GDAP1: variants seen among roughly 807,000 people sequenced by gnomAD.
The protein encoded by GDAP1 is ganglioside induced differentiation associated protein 1, also known as ganglioside-induced differentiation-associated protein 1.
In GDAP1, 34 loss-of-function variants were observed where a neutral mutation model predicts 40.1. That is an observed-to-expected ratio of 0.85 (90% confidence interval 0.64 to 1.13). GDAP1 has a LOEUF of 1.13. GDAP1 is among the 50% of genes most tolerant of loss of function. GDAP1 has a pLI of 0.00. For synonymous variants in GDAP1, 170 were observed against 157.4 expected (o/e 1.08, Z -0.60); for missense variants, 374 against 433.7 (o/e 0.86, Z 1.22).
chr8:74,439,760 C>T, intron 2 of GDAP1, among the ~76,000 whole-genome samples: 1 of 151,916 alleles, frequency 6.6e-6, no homozygotes. Flanking sequence ...TTTCCATTAT[C>T]ACTCTCTTTA....
At chr8:74,421,807 T>G (rs1448794826) in intron 2 of GDAP1, among the ~76,000 whole-genome samples, 1 of 152,224 alleles carries the variant, frequency 6.6e-6, no homozygotes, top group African/African-American at 2.4e-5. Context: ...GTTTGGCAAC[T>G]GGTAAAAGCT....
At chr8:74,470,957 A>T (rs1424107973) in intron 2 of GDAP1, among the ~76,000 whole-genome samples, 1 of 152,128 alleles carries the variant, frequency 6.6e-6, no homozygotes, top group Non-Finnish European at 1.5e-5. Flanking sequence ...CTGGTGTGAG[A>T]TGGTATCTCA....
At chr8:74,422,354 C>T (rs201872190) in intron 2 of GDAP1, among the ~76,000 whole-genome samples, 1,863 of 33,830 alleles carry the variant, frequency 0.055, 45 homozygotes, top group South Asian at 0.14. Context: ...TCTTTCTTCC[C>T]TTCCTTCCTT....
At chr8:74,466,072 T>G (rs1261167257) in intron 2 of GDAP1, among the ~76,000 whole-genome samples, 1 of 152,206 alleles carries the variant, frequency 6.6e-6, no homozygotes, top group African/African-American at 2.4e-5. Flanking sequence ...CATTTTCTGT[T>G]CCACATTGTT....
chr8:74,401,359 T>A (rs1188526882), intron 2 of GDAP1, among the ~76,000 whole-genome samples: 3 of 150,012 alleles, frequency 2.0e-5, no homozygotes, highest in African/African-American at 7.6e-5. Context: ...TCCTGAGGCT[T>A]CTGCATTCTT....
chr8:74,422,279 T>C (rs1282219613), intron 2 of GDAP1, among the ~76,000 whole-genome samples: 11 of 145,284 alleles, frequency 7.6e-5, no homozygotes, highest in South Asian at 4.5e-4. Context: ...TTTCTTTTCT[T>C]TTTTCTTTTC....
chr8:74,458,800 C>T (rs1187875834), intron 2 of GDAP1, among the ~76,000 whole-genome samples: 4 of 151,990 alleles, frequency 2.6e-5, no homozygotes, highest in Non-Finnish European at 2.9e-5. Context: ...TGGATTAGAG[C>T]GGCCCCCAGT....
In GDAP1 at chr8:74,403,979, A is replaced by G. The variant is rs116313962; in HGVS notation, c.165+52658A>G. Among the ~76,000 whole-genome samples, 914 of 150,360 alleles carry G rather than the reference A, an allele frequency of 6.1e-3. 94 individuals are homozygous for G. The highest frequency in any genetic ancestry group is 0.021 in the African/African-American group (852 of 39,664). ...TATGAGCCTGTAAAAAAGAAAGATC[A>G]TAGGATAGTATTTTGAGTTTATCCA... is the stretch of plus-strand genomic sequence containing the variant. On this transcript the variant is annotated intron_variant, in intron 2 of 2. Coordinates refer to the GDAP1 transcript ENST00000523640.
rs1809495479 is a variant in GDAP1, at chr8:74,363,970, C to T, written c.695-15C>T. 1 of 1,612,720 alleles carries T rather than the reference C, an allele frequency of 6.2e-7. No individual in the cohort carries two copies. The highest frequency in any genetic ancestry group is 1.3e-5 in the African/African-American group (1 of 74,974). Reference sequence around the variant, plus strand: ...GTGCTTGCCTCTAATTCTCTATGTCCCTTTCTCTAATTAGAAGAGGGCCAG... The same window carrying T: ...GTGCTTGCCTCTAATTCTCTATGTCTCTTTCTCTAATTAGAAGAGGGCCAG... On this transcript the variant is annotated splice_polypyrimidine_tract_variant and intron_variant, in intron 5 of 5. Transcript: ENST00000220822.
At chr8:74,370,819 G>A (rs545553108), downstream of GDAP1, among the ~76,000 whole-genome samples, 3 of 152,180 alleles carry the variant, frequency 2.0e-5, no homozygotes, top group South Asian at 6.2e-4. Flanking sequence ...ATCAAGAAAG[G>A]TGGTATGGCC....
At position 74,400,302 on chromosome 8, in the gene GDAP1, TA is replaced by T. The variant is rs1810302277; in HGVS notation, c.165+48983del. Among the ~76,000 whole-genome samples the T allele has an allele frequency of 3.3e-5, 5 of 150,082 alleles. 1 individual carries two copies. The highest frequency in any genetic ancestry group is 7.6e-5 in the African/African-American group (3 of 39,376). On this transcript the variant is annotated intron_variant, in intron 2 of 2. Transcript: ENST00000523640. ...TTGAATTGATCCCTTTACCGTTATG[TA>T]ATGGCCTTCTTTGTCTCTTTCGATC...
At chr8:74,422,284 C>T (rs1369476678) in intron 2 of GDAP1, among the ~76,000 whole-genome samples, 4 of 88,034 alleles carry the variant, frequency 4.5e-5, no homozygotes, top group Admixed American at 1.4e-4. Flanking sequence ...TTTCTTTTTT[C>T]TTTTCTTTCT....
At chr8:74,394,274 G>T (rs1810159148) in intron 2 of GDAP1, among the ~76,000 whole-genome samples, 1 of 152,126 alleles carries the variant, frequency 6.6e-6, no homozygotes, top group African/African-American at 2.4e-5. Flanking sequence ...CCACCCCCAT[G>T]ATTCAATTAC....
At chr8:74,416,410 G>A (rs1019321051) in intron 2 of GDAP1, among the ~76,000 whole-genome samples, 1 of 150,116 alleles carries the variant, frequency 6.7e-6, no homozygotes, top group Non-Finnish European at 1.5e-5. Flanking sequence ...ACATCTGCAA[G>A]CAGAATAACA....
At chr8:74,356,974 C>T (rs1008887245) in intron 2 of GDAP1, among the ~76,000 whole-genome samples, 1 of 152,032 alleles carries the variant, frequency 6.6e-6, no homozygotes, top group Non-Finnish European at 1.5e-5. Flanking sequence ...CTTGGCCTCC[C>T]AAAGTGCTGG....
intron 2 of GDAP1, among the ~76,000 whole-genome samples, chr8:74,442,311 C>G (rs1806172660): frequency 6.6e-6 from 1 of 152,206 alleles, no homozygotes; most frequent in Non-Finnish European, 1.5e-5. Flanking sequence ...ACCTTCTGCC[C>G]TACTTCTATA....
At chr8:74,389,789 C>T (rs991228169) in intron 2 of GDAP1, among the ~76,000 whole-genome samples, 1 of 152,220 alleles carries the variant, frequency 6.6e-6, no homozygotes, top group African/African-American at 2.4e-5. Flanking sequence ...TGGTTCAATT[C>T]TCCCCGTCAC....
At chr8:74,413,065 CAA>C (rs71269990) in intron 2 of GDAP1, among the ~76,000 whole-genome samples, 3 of 57,152 alleles carry the variant, frequency 5.2e-5, no homozygotes, top group East Asian at 5.9e-4. Context: ...GACTCTGTCT[CAA>C]AAAAAAAAAA....
chr8:74,486,730 A>C (rs997007866), intron 2 of GDAP1, among the ~76,000 whole-genome samples: 1 of 152,158 alleles, frequency 6.6e-6, no homozygotes, highest in Non-Finnish European at 1.5e-5. Context: ...TCAGCTAAGA[A>C]GGCCCCATGA....
Sources: allele counts gnomAD v4.1 joint callset (sites outside exome capture counted in the v4.1 genomes callset), GRCh38; gene constraint gnomAD v4.1.1; transcripts MANE v1.5; gene names NCBI Gene and HGNC (gene_info 2026-07-23, HGNC 2026-07-21).